PCDHGB7: variants seen among roughly 807,000 people sequenced by gnomAD.
PCDHGB7 encodes protocadherin gamma-B7.
Under a neutral mutation model 61.4 loss-of-function variants are expected in PCDHGB7, and 37 were observed. The observed-to-expected ratio is 0.60, with a 90% confidence interval of 0.46 to 0.79. PCDHGB7 has a LOEUF of 0.79. Among genes scored for constraint, PCDHGB7 ranks in the 30% least tolerant of loss-of-function variants. The pLI is 0.00. For missense variants in PCDHGB7, 1,166 were observed against 1,202.5 expected, an observed-to-expected ratio of 0.97 and a Z score of 0.45; for synonymous variants, 464 against 503.5, an observed-to-expected ratio of 0.92 and a Z score of 1.05.
At position 141,487,128 on chromosome 5, in the gene PCDHGB7, G is replaced by A; in HGVS notation, c.2416-7679G>A. The A allele has an allele frequency of 6.2e-7, 1 of 1,614,086 alleles. No individual in the cohort carries two copies. ...GTCATTGTGGTAAAGGATAGTGGTA[G>A]TCCACCACTCTCTACCTCTGTTACT... is the stretch of plus-strand genomic sequence containing the variant. On this transcript the variant is annotated intron_variant, in intron 1 of 3. Transcript: ENST00000398594. This position sits in a 1 kb window ranked among gnomAD's most constrained non-coding sequence, Gnocchi z 5.0.
chr5:141,478,878 T>C (rs946127535), intron 1 of PCDHGB7: 8 of 1,250,076 alleles, frequency 6.4e-6, no homozygotes, highest in Non-Finnish European at 8.6e-6. Context: ...GAGTTTAGCT[T>C]GGTATCATTT....
At position 141,432,759 on chromosome 5, in the gene PCDHGB7, G is replaced by T. The variant is rs768949018; in HGVS notation, c.2415+12485G>T. On this transcript the variant is annotated intron_variant, in intron 1 of 3. Transcript: ENST00000398594. The surrounding 1 kb of genome is among the most constrained non-coding windows in gnomAD (Gnocchi z 6.0). ...ACGCTCACCGTGGCCGTGGCCGACA[G>T]CATCCCCCAAGTCCTGGCGGACCTC... is the stretch of plus-strand genomic sequence containing the variant. The T allele has an allele frequency of 6.2e-6, 10 of 1,614,032 alleles. No homozygotes were observed. The highest frequency in any genetic ancestry group is 7.6e-6 in the Non-Finnish European group (9 of 1,180,014).
At position 141,505,629 on chromosome 5, in the gene PCDHGB7, C is replaced by T. The variant is rs1475582931; in HGVS notation, c.2563+148C>T. 7.4e-6 allele frequency: 11 copies of T among 1,482,192 alleles called. No individual in the cohort carries two copies. The African/African-American group carries it at 9.8e-5, about 13-fold the overall frequency. The allele number at this position is 1,482,192 out of a possible 1,614,324, so 91.8% of individuals were successfully genotyped here. ...GTCTGAAAGGACCCACAATTCCAAACATAAAGCCTGGAATTGTGGCTAAGG... is the reference window on the plus strand; with the variant it reads ...GTCTGAAAGGACCCACAATTCCAAATATAAAGCCTGGAATTGTGGCTAAGG... On this transcript the variant is annotated intron_variant, in intron 3 of 3. Coordinates refer to ENST00000398594, the MANE Select transcript of PCDHGB7 (RefSeq NM_018927.4).
chr5:141,438,586 A>G (rs949534736), intron 1 of PCDHGB7, among the ~76,000 whole-genome samples: 2 of 56,254 alleles, frequency 3.6e-5, no homozygotes, highest in South Asian at 6.2e-4. Context: ...ATACATACAT[A>G]CATACATATA....
intron 1 of PCDHGB7, chr5:141,422,736 C>T (rs1408210168): frequency 9.9e-6 from 16 of 1,608,328 alleles, no homozygotes; most frequent in Non-Finnish European, 1.2e-5. Context: ...TGCCTCTGTC[C>T]TCCTATGTCT....
intron 1 of PCDHGB7, chr5:141,430,826 CT>C (rs765096486): frequency 1.3e-6 from 2 of 1,550,416 alleles, no homozygotes; most frequent in East Asian, 2.2e-5. Flanking sequence ...CCTGGGGACT[CT>C]GTGGGAGACC....
At chr5:141,435,008 A>G (rs961813777) in intron 1 of PCDHGB7, among the ~76,000 whole-genome samples, 3 of 152,130 alleles carry the variant, frequency 2.0e-5, no homozygotes, top group African/African-American at 7.2e-5. Context: ...GAATTTATCA[A>G]TGATAATGCT....
At chr5:141,463,367 C>G (rs1437952082) in intron 1 of PCDHGB7, among the ~76,000 whole-genome samples, 1 of 151,748 alleles carries the variant, frequency 6.6e-6, no homozygotes, top group African/African-American at 2.4e-5. Context: ...CCTTTCCTGC[C>G]CCACAGTCTG....
chr5:141,476,601 C>A lies in PCDHGB7; in HGVS notation c.2416-18206C>A. On this transcript the variant is annotated intron_variant, in intron 1 of 3. Coordinates refer to ENST00000398594, the MANE Select transcript of PCDHGB7 (RefSeq NM_018927.4). The surrounding 1 kb of genome is among the most constrained non-coding windows in gnomAD (Gnocchi z 7.6). ...TTTCCGCTCGAGAGCGCGCACGATC[C>A]CGATGTGGGAAGCAACTCTTTACAA... The A allele has an allele frequency of 6.2e-7, 1 of 1,614,228 alleles. No homozygotes were observed. The highest frequency in any genetic ancestry group is 2.2e-5 in the East Asian group (1 of 44,878).
At position 141,477,681 on chromosome 5, in the gene PCDHGB7, T is replaced by C; in HGVS notation, c.2416-17126T>C. On this transcript the variant is annotated intron_variant, in intron 1 of 3. Coordinates refer to ENST00000398594, the MANE Select transcript of PCDHGB7 (RefSeq NM_018927.4). The surrounding 1 kb of genome is among the most constrained non-coding windows in gnomAD (Gnocchi z 4.9). The stretch of plus-strand genomic sequence containing the variant: ...CGTGACAATGGCATAGTGTCATCCT[T>C]AGTGCCCCTAGACTATGAGGATCGG... 6.2e-7 allele frequency: 1 copy of C among 1,614,180 alleles called. No individual in the cohort carries two copies. The highest frequency in any genetic ancestry group is 8.5e-7 in the Non-Finnish European group (1 of 1,180,046).
chr5:141,459,993 G>T (rs1320315247), intron 1 of PCDHGB7, among the ~76,000 whole-genome samples: 1 of 152,164 alleles, frequency 6.6e-6, no homozygotes, highest in African/African-American at 2.4e-5. Context: ...CAGGAGAATC[G>T]CTTGAACCCA....
At chr5:141,471,215 A>G (rs1562030197) in intron 1 of PCDHGB7, 1 of 149,038 alleles carries the variant, frequency 6.7e-6, no homozygotes, top group Non-Finnish European at 1.5e-5. Context: ...ATGCCTGGCA[A>G]TTTTTTTGTA....
Position 141,489,842 on chromosome 5 carries a change from A to T in PCDHGB7, c.2416-4965A>T. ...GAGCTGGTGCTAGAGCAGCAGCTGGATCGTGAAGCCCAGGCAAGACATCAG... is the reference window on the plus strand; with the variant it reads ...GAGCTGGTGCTAGAGCAGCAGCTGGTTCGTGAAGCCCAGGCAAGACATCAG... On this transcript the variant is annotated intron_variant, in intron 1 of 3. Coordinates refer to ENST00000398594, the MANE Select transcript of PCDHGB7 (RefSeq NM_018927.4). The surrounding 1 kb of genome is among the most constrained non-coding windows in gnomAD (Gnocchi z 4.5). 6.2e-7 allele frequency: 1 copy of T among 1,614,186 alleles called. No homozygotes were observed. Among genetic ancestry groups the T allele is most frequent in the South Asian group, 1.1e-5 (1 of 91,086 alleles).
chr5:141,424,616 T>C (rs1487572877), intron 1 of PCDHGB7: 1 of 152,152 alleles, frequency 6.6e-6, no homozygotes, highest in Non-Finnish European at 1.5e-5. Flanking sequence ...TCAAATAGAG[T>C]AGTTTGTGAA....
chr5:141,509,435 T>C (rs547082417), intron 3 of PCDHGB7, among the ~76,000 whole-genome samples: 1 of 152,214 alleles, frequency 6.6e-6, no homozygotes, highest in South Asian at 2.1e-4. Context: ...AAACTCTTGT[T>C]TCCTCCTCTC....
chr5:141,472,980 C>CAAAAAAAAA (rs60579131), intron 1 of PCDHGB7, among the ~76,000 whole-genome samples: 30 of 86,054 alleles, frequency 3.5e-4, no homozygotes, highest in African/African-American at 5.0e-4. Context: ...GAGTGAAACT[C>CAAAAAAAAA]AAAAAAAAAA....
At chr5:141,423,761 TG>T in intron 1 of PCDHGB7, 1 of 156,420 alleles carries the variant, frequency 6.4e-6, no homozygotes, top group Non-Finnish European at 9.2e-6. Context: ...GGGGGGGGGG[TG>T]GGGCGGCATA....
At chr5:141,451,945 C>T (rs906800803) in intron 1 of PCDHGB7, among the ~76,000 whole-genome samples, 1 of 151,970 alleles carries the variant, frequency 6.6e-6, no homozygotes, top group Non-Finnish European at 1.5e-5. Flanking sequence ...AGGGAAAGAC[C>T]GAGAAAGTGA....
intron 2 of PCDHGB7, among the ~76,000 whole-genome samples, chr5:141,497,213 G>A (rs1313220474): frequency 6.6e-6 from 1 of 152,126 alleles, no homozygotes; most frequent in Non-Finnish European, 1.5e-5. Flanking sequence ...GTGTAATGGG[G>A]GGGGGAAGAT....
Sources: gnomAD v4.1 joint callset for allele counts (sites outside exome capture counted in the v4.1 genomes callset) on GRCh38, gnomAD v4.1.1 for gene constraint, Gnocchi (gnomAD v3.1) non-coding constraint, MANE v1.5 for transcripts, NCBI Gene and HGNC (gene_info 2026-07-23, HGNC 2026-07-21) for gene names.